The following NR4A1 variants were observed in gnomAD, a reference collection of about 807,000 sequenced individuals.
NR4A1 encodes nuclear receptor subfamily 4 group A member 1.
In NR4A1, 24 loss-of-function variants were observed where a neutral mutation model predicts 47.5. The observed-to-expected ratio is 0.50, with a 90% confidence interval of 0.37 to 0.71. The LOEUF is 0.71. Ranked by LOEUF, NR4A1 falls within the 30% of genes least tolerant of loss-of-function variation. NR4A1 has a pLI of 0.00. For synonymous variants in NR4A1, 353 were observed against 345.7 expected, an observed-to-expected ratio of 1.02 and a Z score of -0.24; for missense variants, 669 against 788.6, an observed-to-expected ratio of 0.85 and a Z score of 1.82.
intron 1 of NR4A1, chr12:52,053,991 A>C: frequency 1.2e-5 from 3 of 257,014 alleles, no homozygotes; most frequent in Non-Finnish European, 1.5e-5. Context: ...GGGGAGGGGC[A>C]GGGGGCTGGA....
chr12:52,024,240 T>A (rs1937954465), intron 1 of NR4A1, among the ~76,000 whole-genome samples: 1 of 152,208 alleles, frequency 6.6e-6, no homozygotes. Flanking sequence ...AGCCCCACAG[T>A]GGAAGGAAAA....
intron 1 of NR4A1, among the ~76,000 whole-genome samples, chr12:52,052,808 C>T (rs1206323023): frequency 6.6e-6 from 1 of 152,246 alleles, no homozygotes; most frequent in African/African-American, 2.4e-5. Flanking sequence ...CACCCCCAGC[C>T]CATCCCTGGC....
upstream of NR4A1, among the ~76,000 whole-genome samples, chr12:52,048,405 T>C (rs191364071): frequency 9.9e-5 from 15 of 151,986 alleles, no homozygotes; most frequent in South Asian, 8.3e-4. Flanking sequence ...CCATCCTGGC[T>C]AACACAGTGA....
intron 1 of NR4A1, among the ~76,000 whole-genome samples, chr12:52,035,976 A>G (rs535774782): frequency 1.3e-5 from 2 of 152,282 alleles, no homozygotes; most frequent in East Asian, 1.9e-4. Context: ...GGTGGCTCCA[A>G]AAAGGATCAG....
chr12:52,041,668 G>A (rs1938443425), intron 1 of NR4A1: 1 of 927,962 alleles, frequency 1.1e-6, no homozygotes, highest in South Asian at 5.0e-5. Flanking sequence ...AACCCGGGGA[G>A]GTCCTTGGGC....
rs1379514760 is a variant in NR4A1 at position 52,056,587 on chromosome 12, C to T, written c.1100C>T (p.Ser367Phe). Residue 367 changes from serine (S) to phenylalanine (F), a missense_variant, in exon 4 of 7, where the codon TCC becomes TTC. Physicochemically the swap from Ser to Phe is radical, Grantham distance 155 (BLOSUM62 -2). Transcript: ENST00000394825. ...PDASPANLLT[S>F]LVRAHLDSGP... The stretch of plus-strand genomic sequence containing the variant: ...GCCTCCCCTGCCAATCTCCTCACTT[C>T]CCTGGTCCGTGCACACCTGGACTCA... 1 of 1,613,772 alleles carries T rather than the reference C, an allele frequency of 6.2e-7. No homozygotes were observed. Among genetic ancestry groups the T allele is most frequent in the Non-Finnish European group, 8.5e-7 (1 of 1,179,886 alleles).
Position 52,054,588 on chromosome 12 carries a change from C to T in NR4A1, c.260C>T (p.Ser87Phe). 1 of 1,614,186 alleles carries T rather than the reference C, an allele frequency of 6.2e-7. No homozygotes were observed. ...PCSSASSSASSTSSSSATSPA... is the reference protein window; with the variant it reads ...PCSSASSSASFTSSSSATSPA... ...TCCTCAGCCTCCTCCTCGGCCTCCT[C>T]CACATCCTCGTCCTCAGCCACCTCC... is the stretch of plus-strand genomic sequence containing the variant. Residue 87 changes from serine to phenylalanine, a missense_variant, in exon 2 of 7, where the codon TCC (serine) becomes TTC (phenylalanine). Physicochemically the swap from Ser to Phe is radical, Grantham distance 155. Transcript: ENST00000394825.
rs975027611 is a variant in NR4A1, at chr12:52,030,710, C to G, written c.-84+7771C>G. 2.0e-5 allele frequency among the ~76,000 whole-genome samples: 3 copies of G among 151,908 alleles called. No homozygotes were observed. The South Asian group carries it at 6.2e-4, about 32-fold the overall frequency. On this transcript the variant is annotated intron_variant, in intron 1 of 7. Coordinates refer to the NR4A1 transcript ENST00000360284. ...TCCCAAAGTGCTGGGATTACAGGCG[C>G]GAGCCACCACACCTGGCCTACTTAA...
chr12:52,040,993 G>A (rs1938411352), intron 1 of NR4A1, among the ~76,000 whole-genome samples: 1 of 152,154 alleles, frequency 6.6e-6, no homozygotes, highest in Admixed American at 6.5e-5. Flanking sequence ...GAGAGCTGAA[G>A]AGGCTGGGGT....
upstream of NR4A1, among the ~76,000 whole-genome samples, chr12:52,050,842 C>G (rs1457078231): frequency 6.6e-6 from 1 of 152,210 alleles, no homozygotes; most frequent in Non-Finnish European, 1.5e-5. Context: ...CCGAATTGCC[C>G]GCCTCAGCCC....
intron 1 of NR4A1, among the ~76,000 whole-genome samples, chr12:52,034,734 C>T (rs978351118): frequency 2.6e-5 from 4 of 152,282 alleles, no homozygotes; most frequent in Non-Finnish European, 5.9e-5. Flanking sequence ...GACTAAGAAG[C>T]GACATTGCTC....
At chr12:52,038,028 A>T in intron 1 of NR4A1, 1 of 985,964 alleles carries the variant, frequency 1.0e-6, no homozygotes, top group Non-Finnish European at 1.2e-6. Flanking sequence ...AGGGCAGGGC[A>T]CAGTTCCTTG....
intron 1 of NR4A1, among the ~76,000 whole-genome samples, chr12:52,027,810 G>A (rs1030912417): frequency 1.3e-5 from 2 of 152,176 alleles, no homozygotes; most frequent in African/African-American, 4.8e-5. Context: ...CCCCTCCAGG[G>A]ACTAGGCACA....
At chr12:52,027,043 C>T (rs1938013777) in intron 1 of NR4A1, among the ~76,000 whole-genome samples, 1 of 152,168 alleles carries the variant, frequency 6.6e-6, no homozygotes, top group Non-Finnish European at 1.5e-5. Context: ...CAGTGGCTGT[C>T]CACAGGGATT....
chr12:52,044,356 C>G (rs575189445), intron 2 of NR4A1, among the ~76,000 whole-genome samples: 19 of 152,312 alleles, frequency 1.2e-4, no homozygotes, highest in African/African-American at 4.3e-4. Context: ...TGGCCTGCCC[C>G]GCTTGCCGGG....
In NR4A1 at chr12:52,033,809, A is replaced by G. The variant is rs1326267548; in HGVS notation, c.-83-8001A>G. ...CCGGCCAGGTAGTTCTTGATCCTCA[A>G]GAAGAGGAAGGAAACCATGAAGGGA... On this transcript the variant is annotated intron_variant, in intron 1 of 7. Coordinates refer to the NR4A1 transcript ENST00000360284. Among the ~76,000 whole-genome samples the G allele has an allele frequency of 2.0e-5, 3 of 152,236 alleles. No individual in the cohort carries two copies. The South Asian group carries it at 6.2e-4, about 32-fold the overall frequency.
chr12:52,023,213 C>T (rs1053618937), intron 1 of NR4A1, among the ~76,000 whole-genome samples: 1 of 152,256 alleles, frequency 6.6e-6, no homozygotes, highest in African/African-American at 2.4e-5. Flanking sequence ...GCAGGCTGGC[C>T]TTCAAGGCCT....
chr12:52,051,110 T>C (rs955624754), upstream of NR4A1, among the ~76,000 whole-genome samples: 6 of 152,032 alleles, frequency 3.9e-5, no homozygotes, highest in Non-Finnish European at 8.8e-5. Context: ...GGGACCCGAG[T>C]CCGGTGCGGG....
chr12:52,042,687 G>A (rs778147224), intron 2 of NR4A1, among the ~76,000 whole-genome samples: 4 of 152,168 alleles, frequency 2.6e-5, no homozygotes, highest in Admixed American at 2.0e-4. Context: ...TTGACTGAGG[G>A]TGCTTCCGGA....
Sources: allele counts gnomAD v4.1 joint callset (sites outside exome capture counted in the v4.1 genomes callset), GRCh38; gene constraint gnomAD v4.1.1; transcripts MANE v1.5; gene names NCBI Gene and HGNC (gene_info 2026-07-23, HGNC 2026-07-21).